GTF2A1: variants seen among roughly 807,000 people sequenced by gnomAD.
GTF2A1 encodes the protein transcription initiation factor IIA subunit 1.
In GTF2A1, 12 loss-of-function variants were observed where a neutral mutation model predicts 54.1. The observed-to-expected ratio is 0.22, with a 90% CI of 0.14 to 0.36. The LOEUF (loss-of-function observed/expected upper bound fraction) is 0.36. Ranked by LOEUF, GTF2A1 falls within the 10% of genes least tolerant of loss-of-function variation. The pLI, the probability that GTF2A1 is intolerant of heterozygous loss-of-function variation, is 1.00. For synonymous variants in GTF2A1, 145 were observed against 152.0 expected, an observed-to-expected ratio of 0.95 and a Z score of 0.34; for missense variants, 335 against 442.2, an observed-to-expected ratio of 0.76 and a Z score of 2.17.
chr14:81,210,860 C>T (rs1373006983), intron 2 of GTF2A1, among the ~76,000 whole-genome samples: 2 of 152,106 alleles, frequency 1.3e-5, no homozygotes, highest in African/African-American at 4.8e-5. Context: ...CAAGACACCG[C>T]ACCCAGCCAC....
chr14:81,220,286 C>A (rs1893596901), intron 1 of GTF2A1, among the ~76,000 whole-genome samples: 1 of 145,012 alleles, frequency 6.9e-6, no homozygotes, highest in East Asian at 2.0e-4. Flanking sequence ...GCCCTCCCCG[C>A]GCCGCGAGCC....
At chr14:81,206,592 T>A (rs1205619787) in intron 2 of GTF2A1, among the ~76,000 whole-genome samples, 2 of 152,194 alleles carry the variant, frequency 1.3e-5, no homozygotes, top group African/African-American at 4.8e-5. Flanking sequence ...AACATCAGCA[T>A]CACCTGGGTA....
At chr14:81,181,947 G>A (rs1892648404) in intron 8 of GTF2A1, among the ~76,000 whole-genome samples, 2 of 152,180 alleles carry the variant, frequency 1.3e-5, no homozygotes, top group African/African-American at 4.8e-5. Flanking sequence ...TGCAGTGTCT[G>A]CTTAAATACG....
intron 2 of GTF2A1, among the ~76,000 whole-genome samples, chr14:81,209,451 G>A (rs1009935631): frequency 4.6e-5 from 7 of 152,022 alleles, no homozygotes; most frequent in African/African-American, 1.2e-4. Context: ...GTATGTATAC[G>A]TCTTTATTAG....
At chr14:81,192,314 T>C (rs1265947275) in intron 7 of GTF2A1, among the ~76,000 whole-genome samples, 1 of 152,202 alleles carries the variant, frequency 6.6e-6, no homozygotes, top group Non-Finnish European at 1.5e-5. Flanking sequence ...ACCAGCTATA[T>C]GAAAGTTATA....
At chr14:81,209,999 G>T in intron 2 of GTF2A1, 2 of 610,524 alleles carry the variant, frequency 3.3e-6, no homozygotes, top group Non-Finnish European at 5.1e-6. Context: ...ATATAAGGAT[G>T]CTACTGACAT....
intron 6 of GTF2A1, 60 bp from the exon 7 acceptor site, chr14:81,192,899 GA>G: frequency 1.1e-6 from 1 of 930,030 alleles, no homozygotes; most frequent in South Asian, 1.5e-5. Flanking sequence ...ATGGTACACA[GA>G]AATAGAAACA....
intron 6 of GTF2A1, among the ~76,000 whole-genome samples, chr14:81,194,366 T>C (rs2288498): frequency 0.77 from 117,732 of 152,204 alleles, 46,367 homozygotes; most frequent in African/African-American, 0.89. Flanking sequence ...GCTAAGAGAC[T>C]GCTGCTTTAA....
At chr14:81,202,109 G>A (rs1048704141) in intron 3 of GTF2A1, among the ~76,000 whole-genome samples, 4 of 150,062 alleles carry the variant, frequency 2.7e-5, no homozygotes, top group African/African-American at 1.0e-4. Flanking sequence ...TAACATGGGT[G>A]ACAAGGTTCC....
At position 81,179,511 on chromosome 14, in the gene GTF2A1, T is replaced by C. The variant is rs1892595933; in HGVS notation, c.*712A>G. On this transcript the variant is annotated 3_prime_UTR_variant, in exon 9 of 9. Coordinates refer to ENST00000553612, the MANE Select transcript of GTF2A1 (RefSeq NM_015859.4). ...ATTAAAGTTGTGGTTTCAATTCCAC[T>C]GAACTCAGACAAGACCCAAGTCTTT... 2 of 152,332 alleles carry C rather than the reference T, an allele frequency of 1.3e-5. No homozygotes were observed. The highest frequency in any genetic ancestry group is 1.3e-4 in the Admixed American group (2 of 15,300). 9.4% of individuals were successfully genotyped at this position (152,332 alleles called of 1,614,324 possible). A position where few individuals can be genotyped will look rare whatever the true frequency, so the allele number is the denominator to read the frequency against.
intron 8 of GTF2A1, among the ~76,000 whole-genome samples, chr14:81,182,298 T>C (rs564528994): frequency 6.6e-6 from 1 of 152,370 alleles, no homozygotes; most frequent in African/African-American, 2.4e-5. Context: ...AAATGCTAAA[T>C]GTAGCATCTT....
At position 81,201,688 on chromosome 14, in the gene GTF2A1, A is replaced by C. The variant is rs372839068; in HGVS notation, c.338-30T>G. On this transcript the variant is annotated intron_variant, in intron 3 of 8. Coordinates refer to ENST00000553612, the MANE Select transcript of GTF2A1 (RefSeq NM_015859.4). ...AAAAAAACAAGCGAACATGCAAACAAGGAACCATGAGGCTATTTTATAATC... is the reference window on the plus strand; with the variant it reads ...AAAAAAACAAGCGAACATGCAAACACGGAACCATGAGGCTATTTTATAATC... 2.8e-6 allele frequency: 4 copies of C among 1,439,454 alleles called. No individual in the cohort carries two copies. In the African/African-American group the frequency reaches 4.2e-5, roughly 15 times the overall value. 89.2% of individuals were successfully genotyped at this position (1,439,454 alleles called of 1,614,324 possible).
rs765423193 is a variant in GTF2A1, at chr14:81,185,522, C to T, written c.1023+9G>A. 1 of 1,396,474 alleles carries T rather than the reference C, an allele frequency of 7.2e-7. No individual in the cohort carries two copies. Among genetic ancestry groups the T allele is most frequent in the Non-Finnish European group, 1.0e-6 (1 of 982,200 alleles). The allele number at this position is 1,396,474 out of a possible 1,614,324, so 86.5% of individuals were successfully genotyped here. ...AATAACGTCAGTAATCTGAAGATGA[C>T]ATCCTTACCTTATCATATTGGCATA... is the stretch of plus-strand genomic sequence containing the variant. On this transcript the variant is annotated intron_variant, in intron 8 of 8. Transcript: ENST00000553612.
chr14:81,202,055 C>T (rs553401070), intron 3 of GTF2A1, among the ~76,000 whole-genome samples: 29 of 151,542 alleles, frequency 1.9e-4, no homozygotes, highest in African/African-American at 7.0e-4. Flanking sequence ...ACTTGAACTC[C>T]GGAACTGGAG....
chr14:81,214,417 G>A (rs969213498), intron 2 of GTF2A1, among the ~76,000 whole-genome samples: 5 of 151,968 alleles, frequency 3.3e-5, no homozygotes, highest in Admixed American at 6.6e-5. Flanking sequence ...AGGCCGAGGT[G>A]GGGGGATCAC....
At chr14:81,219,306 C>T (rs768970456) in intron 1 of GTF2A1, among the ~76,000 whole-genome samples, 6 of 152,188 alleles carry the variant, frequency 3.9e-5, no homozygotes, top group Non-Finnish European at 8.8e-5. Context: ...GAGCTCTGCA[C>T]ACGCCTGGCT....
intron 5 of GTF2A1, chr14:81,197,166 A>G (rs1372772135): frequency 1.3e-5 from 4 of 317,458 alleles, no homozygotes; most frequent in Non-Finnish European, 2.3e-5. Context: ...ATCATACTTC[A>G]ATAATAGGGT....
chr14:81,207,115 A>G (rs995225948), intron 2 of GTF2A1, among the ~76,000 whole-genome samples: 22 of 149,036 alleles, frequency 1.5e-4, no homozygotes, highest in Non-Finnish European at 3.0e-4. Flanking sequence ...AGTAATTAAT[A>G]TATCTATCTA....
At chr14:81,207,350 T>C (rs10130030) in intron 2 of GTF2A1, among the ~76,000 whole-genome samples, 15,400 of 151,992 alleles carry the variant, frequency 0.1, 1,876 homozygotes, top group African/African-American at 0.29. Context: ...GTTTTCGCTT[T>C]TGCTTGTTCC....
Sources: allele counts gnomAD v4.1 joint callset (sites outside exome capture counted in the v4.1 genomes callset), GRCh38; gene constraint gnomAD v4.1.1; transcripts MANE v1.5; gene names NCBI Gene and HGNC (gene_info 2026-07-23, HGNC 2026-07-21).